The following LDLRAD3 variants were observed in gnomAD, a reference collection of about 807,000 sequenced individuals.
LDLRAD3 encodes the protein low-density lipoprotein receptor class A domain-containing protein 3.
In LDLRAD3, 20 loss-of-function variants were observed where a neutral mutation model predicts 29.4. The ratio of observed to expected loss-of-function variants is 0.68; its 90% CI spans 0.48 to 0.99. The LOEUF is 0.99. LDLRAD3 is among the 50% of genes least tolerant of loss of function. The probability of loss-of-function intolerance (pLI) is 0.00; values close to 1 mark genes in which losing one functional copy is unlikely to be tolerated. For synonymous variants in LDLRAD3, 157 were observed against 192.7 expected (o/e 0.81, Z 1.53); for missense variants, 420 against 454.3 (o/e 0.92, Z 0.69).
intron 4 of LDLRAD3, among the ~76,000 whole-genome samples, chr11:36,190,122 C>G (rs1854919662): frequency 6.6e-6 from 1 of 151,802 alleles, no homozygotes; most frequent in Non-Finnish European, 1.5e-5. Flanking sequence ...TGGAGGGAAA[C>G]AGGCTATATC....
At chr11:36,065,880 A>T (rs923694806) in intron 2 of LDLRAD3, among the ~76,000 whole-genome samples, 2 of 152,314 alleles carry the variant, frequency 1.3e-5, no homozygotes, top group East Asian at 3.9e-4. Context: ...CCTTTCAGAG[A>T]TGCCTCTAGA....
chr11:36,160,282 C>T (rs548197257), intron 4 of LDLRAD3, among the ~76,000 whole-genome samples: 8 of 152,258 alleles, frequency 5.3e-5, no homozygotes, highest in Non-Finnish European at 7.4e-5. Context: ...GGGCCAGCCT[C>T]GAGGGACGTG....
In LDLRAD3 at chr11:36,226,836, A is replaced by G. The variant is rs530871583; in HGVS notation, c.455-249A>G. Among the ~76,000 whole-genome samples, 6 of 152,338 alleles carry G rather than the reference A, an allele frequency of 3.9e-5. No homozygotes were observed. The South Asian group carries it at 1.2e-3, about 32-fold the overall frequency. ...TCACTGCATCATGTTTTTGAGGTCC[A>G]TCCATGCAGTAGCATGTATCAGTAT... On this transcript the variant is annotated intron_variant, in intron 4 of 5. Transcript: ENST00000315571.
At chr11:36,006,775 G>A (rs192613399) in intron 1 of LDLRAD3, among the ~76,000 whole-genome samples, 1 of 152,262 alleles carries the variant, frequency 6.6e-6, no homozygotes, top group African/African-American at 2.4e-5. Flanking sequence ...TGCATAAATA[G>A]TGCTCCACTG....
chr11:36,228,557 T>C (rs1855530764), intron 5 of LDLRAD3, among the ~76,000 whole-genome samples: 1 of 152,208 alleles, frequency 6.6e-6, no homozygotes, highest in Admixed American at 6.5e-5. Context: ...CTCCCAGCAT[T>C]CTTGTGAGCA....
intron 1 of LDLRAD3, among the ~76,000 whole-genome samples, chr11:36,013,583 T>C (rs1263919727): frequency 1.3e-5 from 2 of 152,102 alleles, no homozygotes; most frequent in Admixed American, 1.3e-4. Flanking sequence ...CTGTGTTAGT[T>C]TGCCGAGAGT....
At chr11:36,067,506 A>T (rs1187250241) in intron 2 of LDLRAD3, among the ~76,000 whole-genome samples, 1 of 152,180 alleles carries the variant, frequency 6.6e-6, no homozygotes, top group Non-Finnish European at 1.5e-5. Flanking sequence ...TGTCTTATTT[A>T]ATCCCCTCAA....
chr11:36,153,621 A>T (rs1854306668), intron 4 of LDLRAD3, among the ~76,000 whole-genome samples: 1 of 152,174 alleles, frequency 6.6e-6, no homozygotes, highest in African/African-American at 2.4e-5. Flanking sequence ...AATTAGCAAG[A>T]CACATTTTGA....
At chr11:36,069,919 T>C (rs1852868755) in intron 2 of LDLRAD3, among the ~76,000 whole-genome samples, 2 of 152,204 alleles carry the variant, frequency 1.3e-5, no homozygotes, top group Non-Finnish European at 2.9e-5. Context: ...CCTCATGCTG[T>C]AAATATTACA....
At chr11:36,070,490 T>C (rs752295972) in intron 2 of LDLRAD3, among the ~76,000 whole-genome samples, 5 of 152,218 alleles carry the variant, frequency 3.3e-5, no homozygotes, top group Non-Finnish European at 7.3e-5. Flanking sequence ...CTCCTCTATC[T>C]GGGGTGTATT....
At chr11:35,998,050 G>A (rs1234053483) in intron 1 of LDLRAD3, among the ~76,000 whole-genome samples, 1 of 152,190 alleles carries the variant, frequency 6.6e-6, no homozygotes, top group Admixed American at 6.5e-5. Flanking sequence ...ACAGGGTCAG[G>A]GCGTTCACTG....
At chr11:36,031,113 G>GTTTTTTTTTTTTTTT in intron 1 of LDLRAD3, among the ~76,000 whole-genome samples, 1 of 151,788 alleles carries the variant, frequency 6.6e-6, no homozygotes. Flanking sequence ...AGATGGTGTA[G>GTTTTTTTTTTTTTTT]TTATTTTAAG....
intron 1 of LDLRAD3, among the ~76,000 whole-genome samples, chr11:36,007,050 G>C (rs776394483): frequency 6.6e-6 from 1 of 152,162 alleles, no homozygotes; most frequent in Admixed American, 6.5e-5. Context: ...CTCAGTCTGT[G>C]GGGGAGAAAG....
intron 4 of LDLRAD3, among the ~76,000 whole-genome samples, chr11:36,122,839 C>T (rs779773483): frequency 1.3e-5 from 2 of 151,984 alleles, no homozygotes; most frequent in African/African-American, 2.4e-5. Context: ...GGCAACATAA[C>T]GAGATCCTAT....
intron 4 of LDLRAD3, among the ~76,000 whole-genome samples, chr11:36,134,385 T>A (rs11033451): frequency 0.36 from 55,127 of 151,952 alleles, 10,323 homozygotes; most frequent in African/African-American, 0.46. Flanking sequence ...AAAAATCGAG[T>A]TTTCCTGATC....
intron 4 of LDLRAD3, among the ~76,000 whole-genome samples, chr11:36,201,736 T>C (rs1322777886): frequency 6.6e-6 from 1 of 152,256 alleles, no homozygotes; most frequent in Non-Finnish European, 1.5e-5. Context: ...TTGTGTTGTG[T>C]TGTAGTCTCC....
At chr11:35,953,531 T>C (rs1291505953) in intron 1 of LDLRAD3, among the ~76,000 whole-genome samples, 1 of 152,208 alleles carries the variant, frequency 6.6e-6, no homozygotes, top group Non-Finnish European at 1.5e-5. Context: ...TCCTCTTTGA[T>C]GGCATTACTG....
chr11:36,099,412 C>A (rs1188876314), intron 4 of LDLRAD3, among the ~76,000 whole-genome samples: 1 of 152,156 alleles, frequency 6.6e-6, no homozygotes, highest in Non-Finnish European at 1.5e-5. Flanking sequence ...AAATTGGTAT[C>A]ATCTGTATGT....
At chr11:36,033,735 C>G (rs1852269523) in intron 1 of LDLRAD3, among the ~76,000 whole-genome samples, 1 of 152,132 alleles carries the variant, frequency 6.6e-6, no homozygotes, top group Non-Finnish European at 1.5e-5. Flanking sequence ...TATCCAGTAC[C>G]TGGCTGCCCT....
Sources: allele counts gnomAD v4.1 joint callset (sites outside exome capture counted in the v4.1 genomes callset), GRCh38; gene constraint gnomAD v4.1.1; transcripts MANE v1.5; gene names NCBI Gene and HGNC (gene_info 2026-07-23, HGNC 2026-07-21).